Variants in TTC21A observed in about 807,000 individuals in gnomAD.
The protein encoded by TTC21A is tetratricopeptide repeat domain 21A, also known as tetratricopeptide repeat protein 21A.
TTC21A carries 128 observed loss-of-function variants against 156.4 expected under a neutral mutation model. The ratio of observed to expected loss-of-function variants is 0.82; its 90% CI spans 0.71 to 0.95. TTC21A has a LOEUF of 0.95. Ranked by LOEUF, TTC21A falls within the 40% of genes least tolerant of loss-of-function variation. The probability of loss-of-function intolerance (pLI) is 0.00; values close to 1 mark genes in which losing one functional copy is unlikely to be tolerated. For synonymous variants in TTC21A, 587 were observed against 617.1 expected (o/e 0.95, Z 0.72); for missense variants, 1,435 against 1,602.3 (o/e 0.90, Z 1.78).
At chr3:39,109,706 G>A (rs1235576084) in intron 2 of TTC21A, among the ~76,000 whole-genome samples, 3 of 152,222 alleles carry the variant, frequency 2.0e-5, no homozygotes, top group Admixed American at 6.5e-5. Context: ...GTAATCAGTG[G>A]CTCTTGAGCA....
intron 5 of TTC21A, among the ~76,000 whole-genome samples, chr3:39,114,240 G>A (rs2037082054): frequency 6.6e-6 from 1 of 152,244 alleles, no homozygotes; most frequent in Admixed American, 6.5e-5. Flanking sequence ...AATGGAAAAT[G>A]TATGGAACTG....
At chr3:39,121,824 G>T (rs947181212) in intron 9 of TTC21A, among the ~76,000 whole-genome samples, 1 of 152,150 alleles carries the variant, frequency 6.6e-6, no homozygotes, top group African/African-American at 2.4e-5. Flanking sequence ...GCCGACTCTT[G>T]CCCTGGCTCT....
At position 39,137,196 on chromosome 3, in the gene TTC21A, T is replaced by C. The variant is rs1229636680; in HGVS notation, c.3259T>C (p.Tyr1087His). ...AFENQGAESN[Y>H]MEKKELEQQG... ...GATACCCAGGTCTAACACCTGCAGCTACATGGAGAAGAAGGAGTTGGAGCA... is the reference window on the plus strand; with the variant it reads ...GATACCCAGGTCTAACACCTGCAGCCACATGGAGAAGAAGGAGTTGGAGCA... The change falls in exon 25 of 29, where the codon TAC becomes CAC. Residue 1087 changes from tyrosine (Y) to histidine (H), a missense_variant and splice_region_variant. Tyr to His is a moderately conservative substitution (Grantham distance 83). Coordinates refer to ENST00000683103, the MANE Select transcript of TTC21A (RefSeq NM_001366900.1). 6.2e-7 allele frequency: 1 copy of C among 1,611,886 alleles called. No homozygotes were observed. The highest frequency in any genetic ancestry group is 1.7e-5 in the Admixed American group (1 of 59,842).
chr3:39,114,550 C>A (rs757201427), intron 5 of TTC21A, 35 bp from the exon 6 acceptor site: 9 of 1,610,734 alleles, frequency 5.6e-6, no homozygotes, highest in Non-Finnish European at 7.6e-6. Flanking sequence ...ATGGGCACTC[C>A]CTTCACGGAG....
At chr3:39,123,268 A>G (rs2037925058) in intron 9 of TTC21A, among the ~76,000 whole-genome samples, 1 of 152,262 alleles carries the variant, frequency 6.6e-6, no homozygotes, top group Non-Finnish European at 1.5e-5. Context: ...TAAGATGGTG[A>G]TGAGGAAGAC....
At position 39,128,311 on chromosome 3, in the gene TTC21A, G is replaced by C; in HGVS notation, c.1523-20G>C. The stretch of plus-strand genomic sequence containing the variant: ...AGCCCTTGGGAACCCTGCATGTAGA[G>C]GTTTGTGTATTATTTCTAGGAGAGC... On this transcript the variant is annotated intron_variant, in intron 12 of 28. Coordinates refer to ENST00000683103, the MANE Select transcript of TTC21A (RefSeq NM_001366900.1). 1 of 1,613,046 alleles carries C rather than the reference G, an allele frequency of 6.2e-7. No individual in the cohort carries two copies. The highest frequency in any genetic ancestry group is 1.1e-5 in the South Asian group (1 of 91,024).
chr3:39,130,429 A>C lies in TTC21A; in HGVS notation c.2319+71A>C. 2 of 1,281,632 alleles carry C rather than the reference A, an allele frequency of 1.6e-6. No homozygotes were observed. Among genetic ancestry groups the C allele is most frequent in the Non-Finnish European group, 2.2e-6 (2 of 916,828 alleles). 79.4% of individuals were successfully genotyped at this position (1,281,632 alleles called of 1,614,324 possible). On this transcript the variant is annotated intron_variant, in intron 17 of 28. Coordinates refer to ENST00000683103, the MANE Select transcript of TTC21A (RefSeq NM_001366900.1). The surrounding 1 kb of genome is among the most constrained non-coding windows in gnomAD (Gnocchi z 4.5). ...CAGGGAAGGAGGAGGACGGTACATG[A>C]CTGGGGAGCTCTGGGTGGGAGGAGA...
chr3:39,113,941 T>C (rs2037051424), intron 5 of TTC21A, among the ~76,000 whole-genome samples: 1 of 152,200 alleles, frequency 6.6e-6, no homozygotes, highest in Non-Finnish European at 1.5e-5. Flanking sequence ...TTACTGTAGG[T>C]CTAAGGGAAG....
chr3:39,110,756 C>T (rs959798083), intron 3 of TTC21A, 95 bp from the exon 4 acceptor site: 13 of 1,376,920 alleles, frequency 9.4e-6, no homozygotes, highest in African/African-American at 5.9e-5. Context: ...TGGGGGAGAC[C>T]CCGAGGTAGT....
Position 39,120,986 on chromosome 3 carries a change from G to C in TTC21A, c.901-11G>C. Reference sequence around the variant, plus strand: ...CTGGTTTCCCAATTCCCACCTTCCTGTTTCTTGCAGTGTGGGAGTCACCAG... The same window carrying C: ...CTGGTTTCCCAATTCCCACCTTCCTCTTTCTTGCAGTGTGGGAGTCACCAG... On this transcript the variant is annotated splice_polypyrimidine_tract_variant and intron_variant, in intron 8 of 28. Coordinates refer to ENST00000683103, the MANE Select transcript of TTC21A (RefSeq NM_001366900.1). 1.9e-6 allele frequency: 3 copies of C among 1,587,166 alleles called. No individual in the cohort carries two copies. Among genetic ancestry groups the C allele is most frequent in the Non-Finnish European group, 2.6e-6 (3 of 1,164,214 alleles).
chr3:39,133,548 G>A (rs1376181073), intron 20 of TTC21A, among the ~76,000 whole-genome samples: 13 of 152,208 alleles, frequency 8.5e-5, no homozygotes, highest in Admixed American at 8.5e-4. Flanking sequence ...CGTTGGAGGT[G>A]GGGAGATGAT....
In TTC21A at chr3:39,135,133, C is replaced by T. The variant is rs775646843; in HGVS notation, c.2903C>T (p.Ala968Val). 1.9e-5 allele frequency: 31 copies of T among 1,613,836 alleles called. No homozygotes were observed. The highest frequency in any genetic ancestry group is 1.7e-4 in the Middle Eastern group (1 of 6,056). The change falls in exon 22 of 29, where the codon GCG becomes GTG. Residue 968 changes from alanine (A) to valine (V), a missense_variant. Coordinates refer to ENST00000683103, the MANE Select transcript of TTC21A (RefSeq NM_001366900.1). ...ATGTTTAGAAAACAGAAACATGAAG[C>T]GGCCATCAATCTTTACCACCAAGTC... ...DLMFRKQKHE[A>V]AINLYHQVLE...
chr3:39,128,448 G>A lies in TTC21A; in HGVS notation c.1640G>A (p.Cys547Tyr). ...IYLAQGNFGMCFHCLELGVSH... is the reference protein window; with the variant it reads ...IYLAQGNFGMYFHCLELGVSH... ...TTGGCTCAGGGCAACTTTGGCATGT[G>A]CTTCCACTGCTTAGAGCTGGGTGTC... Residue 547 changes from cysteine (C) to tyrosine (Y), a missense_variant, in exon 13 of 29, where the codon TGC becomes TAC. Cys to Tyr is a radical substitution (Grantham distance 194). Transcript: ENST00000683103. The A allele has an allele frequency of 6.2e-7, 1 of 1,614,178 alleles. No homozygotes were observed. The highest frequency in any genetic ancestry group is 8.5e-7 in the Non-Finnish European group (1 of 1,180,030).
chr3:39,120,085 G>T, intron 8 of TTC21A, 65 bp downstream of exon 8: 1 of 1,238,146 alleles, frequency 8.1e-7, no homozygotes, highest in East Asian at 2.3e-5. Context: ...GGAGAACTGT[G>T]CTCCCCCAGG....
In TTC21A at chr3:39,134,209, T is replaced by G; in HGVS notation, c.2752-9T>G. 6.2e-7 allele frequency: 1 copy of G among 1,600,492 alleles called. No homozygotes were observed. Among genetic ancestry groups the G allele is most frequent in the Non-Finnish European group, 8.6e-7 (1 of 1,167,748 alleles). ...ACTAGTTAGTTTATTATATCCGGCC[T>G]TGTCCCAGGTGATGCTGGAGCTGGC... On this transcript the variant is annotated splice_polypyrimidine_tract_variant and intron_variant, in intron 20 of 28. Transcript: ENST00000683103. This position sits in a 1 kb window ranked among gnomAD's most constrained non-coding sequence, Gnocchi z 4.6.
Position 39,108,017 on chromosome 3 carries a change from C to T in TTC21A, c.27+153C>T, listed in dbSNP as rs149537637. ...CTTGCCCCACTCCCCCTGGCAAGGGCGTCTTCTCCGGTGGCTTCTGCGCAC... is the reference window on the plus strand; with the variant it reads ...CTTGCCCCACTCCCCCTGGCAAGGGTGTCTTCTCCGGTGGCTTCTGCGCAC... On this transcript the variant is annotated intron_variant, in intron 1 of 28. Transcript: ENST00000683103. 840 of 893,028 alleles carry T rather than the reference C, an allele frequency of 9.4e-4. 9 individuals are homozygous for T. The African/African-American group carries it at 0.012, about 13-fold the overall frequency. The allele number at this position is 893,028 out of a possible 1,614,324, so 55.3% of individuals were successfully genotyped here.
At position 39,133,176 on chromosome 3, in the gene TTC21A, AAG is replaced by A. The variant is rs1198985486; in HGVS notation, c.2690_2691del (p.Glu897ValfsTer2). The stretch of plus-strand genomic sequence containing the variant: ...TTTGCAGAGCACTACCTGGCAGAGA[AAG>A]AGTATGACAAGGCGGTACAGTCTTA... On this transcript the variant is annotated frameshift_variant, in exon 20 of 29. Transcript: ENST00000683103. LOFTEE classifies it high-confidence loss of function. The A allele has an allele frequency of 1.9e-6, 3 of 1,614,118 alleles. No individual in the cohort carries two copies. Among genetic ancestry groups the A allele is most frequent in the African/African-American group, 1.3e-5 (1 of 74,940 alleles).
Position 39,134,300 on chromosome 3 carries a change from C to T in TTC21A, c.2834C>T (p.Thr945Ile), listed in dbSNP as rs774992092. ...CAGCACTGTGCCATCCTCCTGCAGA[C>T]TGAGCAGAACCATGAGACCGCTTCT... Reference protein sequence around the residue: ...CEQHCAILLQTEQNHETASVL... With the variant: ...CEQHCAILLQIEQNHETASVL... The change falls in exon 21 of 29, where the codon ACT becomes ATT. Residue 945 changes from threonine to isoleucine, a missense_variant. Transcript: ENST00000683103. This position sits in a 1 kb window ranked among gnomAD's most constrained non-coding sequence, Gnocchi z 4.6. The T allele has an allele frequency of 6.2e-7, 1 of 1,613,936 alleles. No individual in the cohort carries two copies. Among genetic ancestry groups the T allele is most frequent in the Non-Finnish European group, 8.5e-7 (1 of 1,179,824 alleles).
intron 5 of TTC21A, among the ~76,000 whole-genome samples, chr3:39,113,087 C>T (rs1444027267): frequency 1.3e-5 from 2 of 151,864 alleles, no homozygotes; most frequent in African/African-American, 2.4e-5. Flanking sequence ...AAAATGTCCT[C>T]GTATTTTCTT....
Sources: gnomAD v4.1 joint callset for allele counts (sites outside exome capture counted in the v4.1 genomes callset) on GRCh38, gnomAD v4.1.1 for gene constraint, Gnocchi (gnomAD v3.1) non-coding constraint, MANE v1.5 for transcripts, NCBI Gene and HGNC (gene_info 2026-07-23, HGNC 2026-07-21) for gene names.